DGKB: variants seen among roughly 807,000 people sequenced by gnomAD.
DGKB encodes the protein diacylglycerol kinase beta, also known as 90 kDa diacylglycerol kinase.
Under a neutral mutation model 114.3 loss-of-function variants are expected in DGKB, and 67 were observed. The observed-to-expected ratio is 0.59, with a 90% CI of 0.48 to 0.72. The LOEUF (loss-of-function observed/expected upper bound fraction) is 0.72, where lower values mean the gene tolerates loss of function less well. Ranked by LOEUF, DGKB falls within the 30% of genes least tolerant of loss-of-function variation. The probability of loss-of-function intolerance (pLI) is 0.00; values close to 1 mark genes in which losing one functional copy is unlikely to be tolerated. For synonymous variants in DGKB, 398 were observed against 323.1 expected, an observed-to-expected ratio of 1.23 and a Z score of -2.49; for missense variants, 907 against 975.2, an observed-to-expected ratio of 0.93 and a Z score of 0.93.
chr7:14,961,879 C>T (rs1786864815), intron 1 of DGKB, among the ~76,000 whole-genome samples: 1 of 152,114 alleles, frequency 6.6e-6, no homozygotes, highest in South Asian at 2.1e-4. Context: ...TCAGCCTCTG[C>T]TGCTCAGAGG....
At chr7:14,234,671 C>T (rs1015222374) in intron 23 of DGKB, among the ~76,000 whole-genome samples, 1 of 151,948 alleles carries the variant, frequency 6.6e-6, no homozygotes, top group East Asian at 1.9e-4. Flanking sequence ...TTTTACTAAC[C>T]TTTATGCCCT....
At chr7:14,524,638 C>G (rs1790341042) in intron 20 of DGKB, among the ~76,000 whole-genome samples, 1 of 151,814 alleles carries the variant, frequency 6.6e-6, no homozygotes, top group African/African-American at 2.4e-5. Context: ...TGCCTGTAGT[C>G]CCAGCCATTC....
chr7:14,405,076 T>G (rs1413340265), intron 21 of DGKB, among the ~76,000 whole-genome samples: 1 of 145,932 alleles, frequency 6.9e-6, no homozygotes, highest in Non-Finnish European at 1.5e-5. Context: ...AGCTCATATT[T>G]AATATATCTA....
intron 25 of DGKB, among the ~76,000 whole-genome samples, chr7:14,169,618 AC>A (rs1197616880): frequency 1.3e-5 from 2 of 152,112 alleles, no homozygotes; most frequent in African/African-American, 2.4e-5. Flanking sequence ...AAGATTCTGA[AC>A]TTTTTTCTGT....
chr7:14,505,668 C>A (rs1413183394), intron 20 of DGKB, among the ~76,000 whole-genome samples: 1 of 152,052 alleles, frequency 6.6e-6, no homozygotes, highest in Non-Finnish European at 1.5e-5. Context: ...TATGATGACA[C>A]CTTTAGGCTC....
At chr7:14,306,055 T>A (rs1330527705) in intron 23 of DGKB, among the ~76,000 whole-genome samples, 1 of 152,094 alleles carries the variant, frequency 6.6e-6, no homozygotes. Context: ...TCTAAGTGAT[T>A]TTTTTTCTTT....
At chr7:14,637,445 T>C (rs1206299996) in intron 13 of DGKB, among the ~76,000 whole-genome samples, 2 of 151,832 alleles carry the variant, frequency 1.3e-5, no homozygotes, top group Non-Finnish European at 3.0e-5. Flanking sequence ...ACTTTTTATA[T>C]GCTCTTTAGG....
intron 2 of DGKB, among the ~76,000 whole-genome samples, chr7:14,786,893 G>A (rs149390413): frequency 1.5e-3 from 223 of 152,348 alleles, no homozygotes; most frequent in Admixed American, 2.8e-3. Context: ...GACTCAGGCA[G>A]ATGACGGGGT....
chr7:14,698,473 A>T (rs1486118735), intron 7 of DGKB, among the ~76,000 whole-genome samples: 3 of 152,088 alleles, frequency 2.0e-5, no homozygotes, highest in Non-Finnish European at 4.4e-5. Context: ...CCAAATACAT[A>T]CTGTCACATG....
chr7:14,852,360 T>A lies in DGKB; in HGVS notation c.-187-10910A>T, dbSNP rs528288600. Among the ~76,000 whole-genome samples, 9 of 151,886 alleles carry A rather than the reference T, an allele frequency of 5.9e-5. No individual in the cohort carries two copies. The South Asian group carries it at 1.9e-3, about 32-fold the overall frequency. Reference sequence around the variant, plus strand: ...ATTATATAGCCAGGTGCATATTGTTTATCAATTCTCATCTCCCTCTGAAGT... The same window carrying A: ...ATTATATAGCCAGGTGCATATTGTTAATCAATTCTCATCTCCCTCTGAAGT... On this transcript the variant is annotated intron_variant, in intron 1 of 25. Transcript: ENST00000402815.
chr7:14,862,961 C>A lies in DGKB; in HGVS notation c.-187-21511G>T, dbSNP rs544812221. The stretch of plus-strand genomic sequence containing the variant: ...CCCTCTGAAATGATTATTTTAAATG[C>A]CTTTCGACAGAACTCATTTTATATT... On this transcript the variant is annotated intron_variant, in intron 1 of 25. Transcript: ENST00000402815. 5.9e-5 allele frequency among the ~76,000 whole-genome samples: 9 copies of A among 151,818 alleles called. No individual in the cohort carries two copies. In the South Asian group the frequency reaches 1.9e-3, roughly 32 times the overall value.
intron 1 of DGKB, among the ~76,000 whole-genome samples, chr7:14,922,415 TATCA>T (rs1436952697): frequency 2.7e-5 from 4 of 149,552 alleles, no homozygotes; most frequent in Non-Finnish European, 6.0e-5. Context: ...TGTGTGTGTG[TATCA>T]GACTTATTAG....
intron 2 of DGKB, among the ~76,000 whole-genome samples, chr7:14,810,004 A>G (rs1027338568): frequency 6.6e-6 from 1 of 152,212 alleles, no homozygotes. Context: ...CAAGCAAATC[A>G]CTGTTAAACA....
intron 20 of DGKB, among the ~76,000 whole-genome samples, chr7:14,536,230 G>T (rs1264402430): frequency 6.6e-6 from 1 of 152,038 alleles, no homozygotes; most frequent in Admixed American, 6.6e-5. Context: ...ATTTAAAAAA[G>T]AATTAATACC....
chr7:14,659,871 G>C (rs1336903474), intron 13 of DGKB, among the ~76,000 whole-genome samples: 3 of 151,940 alleles, frequency 2.0e-5, no homozygotes, highest in Non-Finnish European at 4.4e-5. Flanking sequence ...CTGTGGGTTT[G>C]TCATAGATAG....
At position 14,723,569 on chromosome 7, in the gene DGKB, ATG is replaced by A. The variant is rs749175012; in HGVS notation, c.323-4886_323-4885del. On this transcript the variant is annotated intron_variant, in intron 5 of 25. Coordinates refer to ENST00000402815, the MANE Select transcript of DGKB (RefSeq NM_001350709.2). ...AGCAAATGTGTGTGTGTGTATATAT[ATG>A]TGTGTGTGTGTGTATATACACATAC... Among the ~76,000 whole-genome samples the A allele has an allele frequency of 7.1e-3, 1,063 of 149,608 alleles. 15 individuals carry two copies. Among genetic ancestry groups the A allele is most frequent in the African/African-American group, 0.025 (973 of 39,614 alleles).
intron 23 of DGKB, among the ~76,000 whole-genome samples, chr7:14,240,071 A>G (rs931031639): frequency 3.3e-5 from 5 of 152,080 alleles, no homozygotes; most frequent in African/African-American, 1.2e-4. Context: ...GACAAAGTGG[A>G]GAAGATAACA....
chr7:14,627,592 G>GTA (rs1231212543), intron 14 of DGKB, among the ~76,000 whole-genome samples: 4 of 151,620 alleles, frequency 2.6e-5, no homozygotes, highest in Non-Finnish European at 5.9e-5. Flanking sequence ...GTGTCTGTGT[G>GTA]TGTGTGTGTG....
At chr7:14,864,030 C>G (rs1337201286) in intron 1 of DGKB, among the ~76,000 whole-genome samples, 1 of 147,670 alleles carries the variant, frequency 6.8e-6, no homozygotes, top group East Asian at 2.0e-4. Flanking sequence ...ACCCAGGAGG[C>G]AGAGGTTGCG....
Sources: allele counts gnomAD v4.1 joint callset (sites outside exome capture counted in the v4.1 genomes callset), GRCh38; gene constraint gnomAD v4.1.1; transcripts MANE v1.5; gene names NCBI Gene and HGNC (gene_info 2026-07-23, HGNC 2026-07-21).